The following MAX variants were observed in gnomAD, a reference collection of about 807,000 sequenced individuals.
MAX encodes the protein MYC associated transcriptional regulator X, also known as protein max.
MAX carries 3 observed loss-of-function variants against 22.3 expected under a neutral mutation model. The ratio of observed to expected loss-of-function variants is 0.13; its 90% CI spans 0.06 to 0.35. MAX has a LOEUF of 0.35. Ranked by LOEUF, MAX falls within the 10% of genes least tolerant of loss-of-function variation. The pLI, the probability that MAX is intolerant of heterozygous loss-of-function variation, is 1.00. For missense variants in MAX, 119 were observed against 209.4 expected, an observed-to-expected ratio of 0.57 and a Z score of 2.66; for synonymous variants, 72 against 77.7, an observed-to-expected ratio of 0.93 and a Z score of 0.39.
Position 65,012,195 on chromosome 14 carries a change from CAG to C in MAX, c.172-5913_172-5912del. ...CCAGAGAAGTTGCTGGTTATCCAGT[CAG>C]TGATTGCAGGGGGACGTCCTGAAGC... On this transcript the variant is annotated intron_variant, in intron 3 of 3. Coordinates refer to the MAX transcript ENST00000341653. This position sits in a 1 kb window ranked among gnomAD's most constrained non-coding sequence, Gnocchi z 5.0. 1 of 1,186,222 alleles carries C rather than the reference CAG, an allele frequency of 8.4e-7. No individual in the cohort carries two copies. Among genetic ancestry groups the C allele is most frequent in the Non-Finnish European group, 1.2e-6 (1 of 824,328 alleles). 73.5% of individuals were successfully genotyped at this position (1,186,222 alleles called of 1,614,324 possible). A position where few individuals can be genotyped will look rare whatever the true frequency, so the allele number is the denominator to read the frequency against.
At position 65,083,756 on chromosome 14, in the gene MAX, ATC is replaced by A; in HGVS notation, c.172-5722_172-5721del. On this transcript the variant is annotated intron_variant, in intron 3 of 4. Coordinates refer to ENST00000358664, the MANE Select transcript of MAX (RefSeq NM_002382.5). ...GGTACTGCTGGACTCAACAACTGACATCTGTTTTATTTTGTACTAGTTATTTT... is the reference window on the plus strand; with the variant it reads ...GGTACTGCTGGACTCAACAACTGACATGTTTTATTTTGTACTAGTTATTTT... The A allele has an allele frequency of 3.7e-6, 4 of 1,090,740 alleles. No individual in the cohort carries two copies. The South Asian group carries it at 1.1e-4, about 29-fold the overall frequency. 67.6% of individuals were successfully genotyped at this position (1,090,740 alleles called of 1,614,324 possible).
Position 65,077,947 on chromosome 14 carries a change from G to A in MAX, c.261C>T (p.Asp87=), listed in dbSNP as rs750761201. The part of the protein sequence containing the change: ...KNHTHQQDID[D]LKRQNALLEQ... The stretch of plus-strand genomic sequence containing the variant: ...CCAGAAGAGCATTCTGCCGCTTGAG[G>A]TCGTCAATATCTTGCTGGTGTGTGT... Residue 87 remains aspartate (D), a synonymous_variant, in exon 4 of 5, where the codon GAC becomes GAT. Transcript: ENST00000358664. The surrounding 1 kb of genome is among the most constrained non-coding windows in gnomAD (Gnocchi z 6.3). 2 of 1,614,250 alleles carry A rather than the reference G, an allele frequency of 1.2e-6. No homozygotes were observed. Among genetic ancestry groups the A allele is most frequent in the East Asian group, 4.5e-5 (2 of 44,886 alleles).
At chr14:65,061,407 C>G (rs1418874768) in intron 3 of MAX, 1 of 1,523,696 alleles carries the variant, frequency 6.6e-7, no homozygotes, top group Non-Finnish European at 8.8e-7. Flanking sequence ...GCTACACAAG[C>G]CTTAGCCTCA....
In MAX at chr14:65,088,584, A is replaced by T. The variant is rs1318114629; in HGVS notation, c.171+5124T>A. On this transcript the variant is annotated intron_variant, in intron 3 of 4. Transcript: ENST00000358664. The surrounding 1 kb of genome is among the most constrained non-coding windows in gnomAD (Gnocchi z 5.2). ...TGCTATAGACATAGGTTACCGAATGAACTGTCAGCCTTAAACGCATCAACA... is the reference window on the plus strand; with the variant it reads ...TGCTATAGACATAGGTTACCGAATGTACTGTCAGCCTTAAACGCATCAACA... 6.6e-6 allele frequency among the ~76,000 whole-genome samples: 1 copy of T among 152,220 alleles called. No homozygotes were observed. Among genetic ancestry groups the T allele is most frequent in the Non-Finnish European group, 1.5e-5 (1 of 68,026 alleles).
chr14:65,076,096 G>A lies in MAX; in HGVS notation c.*380C>T. 1 of 1,265,548 alleles carries A rather than the reference G, an allele frequency of 7.9e-7. No homozygotes were observed. Among genetic ancestry groups the A allele is most frequent in the Non-Finnish European group, 1.0e-6 (1 of 1,002,398 alleles). The allele number at this position is 1,265,548 out of a possible 1,614,324, so 78.4% of individuals were successfully genotyped here. The stretch of plus-strand genomic sequence containing the variant: ...CGGGCCAGGAGGCCACCTGGGCAGG[G>A]CAGGCGTCCCCCGGGCATGTGCCCG... On this transcript the variant is annotated 3_prime_UTR_variant, in exon 5 of 5. Transcript: ENST00000358664. The surrounding 1 kb of genome is among the most constrained non-coding windows in gnomAD (Gnocchi z 6.6).
intron 3 of MAX, among the ~76,000 whole-genome samples, chr14:65,048,271 C>A (rs1372835554): frequency 1.3e-5 from 2 of 151,574 alleles, no homozygotes; most frequent in Non-Finnish European, 1.5e-5. Context: ...GCGTGAGCCA[C>A]CATACCTGGC....
chr14:65,072,783 G>T, downstream of MAX, among the ~76,000 whole-genome samples: 1 of 152,220 alleles, frequency 6.6e-6, no homozygotes, highest in African/African-American at 2.4e-5. Flanking sequence ...GAGGGAATGG[G>T]CAGAGCCTCA....
intron 3 of MAX, among the ~76,000 whole-genome samples, chr14:65,055,707 G>C (rs776066588): frequency 3.6e-4 from 54 of 151,956 alleles, no homozygotes; most frequent in Non-Finnish European, 7.2e-4. Flanking sequence ...AGTAGAGACA[G>C]GGTTTCCCCA....
chr14:65,041,388 G>A (rs2062349140), intron 3 of MAX, among the ~76,000 whole-genome samples: 1 of 152,170 alleles, frequency 6.6e-6, no homozygotes. Flanking sequence ...CAACATTTAT[G>A]TCTGGACCCC....
chr14:65,057,541 ATC>A (rs2062764743), intron 3 of MAX, among the ~76,000 whole-genome samples: 1 of 152,162 alleles, frequency 6.6e-6, no homozygotes, highest in African/African-American at 2.4e-5. Flanking sequence ...AACTTAAGGA[ATC>A]TCTACCATTT....
Position 65,102,304 on chromosome 14 carries a change from G to A in MAX, c.36C>T (p.Asp12=), listed in dbSNP as rs370402660. 6.2e-7 allele frequency: 1 copy of A among 1,613,784 alleles called. No homozygotes were observed. Among genetic ancestry groups the A allele is most frequent in the Non-Finnish European group, 8.5e-7 (1 of 1,179,794 alleles). Residue 12 remains aspartate (D), a splice_region_variant and synonymous_variant, in exon 1 of 5, where the codon GAC becomes GAT. Coordinates refer to ENST00000358664, the MANE Select transcript of MAX (RefSeq NM_002382.5). Reference sequence around the variant, plus strand: ...GGAAGGAAGAAGCCCCAGGACTCACGTCGCTCTCCACCTCGATGTCATCGT... The same window carrying A: ...GGAAGGAAGAAGCCCCAGGACTCACATCGCTCTCCACCTCGATGTCATCGT... ...SDNDDIEVES[D]EEQPRFQSAA... is the part of the protein sequence containing the mutation.
rs1322465499 is a variant in MAX, at chr14:65,054,794, G to A, written c.171+38914C>T. ...CTCTGCATTTCCTGTGTGGACAGGC[G>A]GAAGCTTGTGGTCCCTCTGCCCTTC... On this transcript the variant is annotated intron_variant, in intron 3 of 3. Transcript: ENST00000341653. The surrounding 1 kb of genome is among the most constrained non-coding windows in gnomAD (Gnocchi z 4.4). 6.8e-5 allele frequency: 84 copies of A among 1,233,346 alleles called. No individual in the cohort carries two copies. Among genetic ancestry groups the A allele is most frequent in the Non-Finnish European group, 9.0e-5 (79 of 880,022 alleles). The allele number at this position is 1,233,346 out of a possible 1,614,324, so 76.4% of individuals were successfully genotyped here. A position where few individuals can be genotyped will look rare whatever the true frequency, so the allele number is the denominator to read the frequency against.
In MAX at chr14:65,011,706, C is replaced by T. The variant is rs1004771532; in HGVS notation, c.172-5422G>A. 1.4e-4 allele frequency among the ~76,000 whole-genome samples: 21 copies of T among 152,336 alleles called. No individual in the cohort carries two copies. Among genetic ancestry groups the T allele is most frequent in the Admixed American group, 3.9e-4 (6 of 15,302 alleles). ...GGTGGCCATGGGCGGCACATTCCAT[C>T]TTAAAGCCAGTATTGCTGACTTGAA... On this transcript the variant is annotated intron_variant, in intron 3 of 3. Transcript: ENST00000341653. This position sits in a 1 kb window ranked among gnomAD's most constrained non-coding sequence, Gnocchi z 4.0.
At chr14:65,091,293 C>T (rs1293120680) in intron 3 of MAX, among the ~76,000 whole-genome samples, 1 of 152,202 alleles carries the variant, frequency 6.6e-6, no homozygotes, top group African/African-American at 2.4e-5. Context: ...ACCTATGAAA[C>T]AGCGCTGGCA....
chr14:65,037,402 C>CTTTTTTTTTTTTTTTTTTTTTTTTTTTT (rs765037575), intron 3 of MAX, among the ~76,000 whole-genome samples: 7 of 14,536 alleles, frequency 4.8e-4, no homozygotes, highest in Admixed American at 1.4e-3. Flanking sequence ...CACGCCGGGC[C>CTTTTTTTTTTTTTTTTTTTTTTTTTTTT]CTTTTTTTTT....
In MAX at chr14:65,029,959, G is replaced by A. The variant is rs1038918953; in HGVS notation, c.172-23675C>T. On this transcript the variant is annotated intron_variant, in intron 3 of 3. Transcript: ENST00000341653. This position sits in a 1 kb window ranked among gnomAD's most constrained non-coding sequence, Gnocchi z 4.7. ...CTTGGATTTGGGTGATGGCAGCAAG[G>A]ATGGAAAGTTAGTGGACAAATTCAA... Among the ~76,000 whole-genome samples, 11 of 152,202 alleles carry A rather than the reference G, an allele frequency of 7.2e-5. No individual in the cohort carries two copies. Among genetic ancestry groups the A allele is most frequent in the African/African-American group, 1.9e-4 (8 of 41,458 alleles).
Position 65,032,875 on chromosome 14 carries a change from C to T in MAX, c.172-26591G>A, listed in dbSNP as rs543594016. On this transcript the variant is annotated intron_variant, in intron 3 of 3. Transcript: ENST00000341653. The surrounding 1 kb of genome is among the most constrained non-coding windows in gnomAD (Gnocchi z 5.0). ...AAATGTCTTCTTTTTTCCAAACTTT[C>T]TTTAATGTTATATTATATTTTAGAT... Among the ~76,000 whole-genome samples the T allele has an allele frequency of 1.4e-3, 211 of 152,112 alleles. No individual in the cohort carries two copies. The highest frequency in any genetic ancestry group is 2.6e-3 in the Non-Finnish European group (179 of 67,996).
intron 3 of MAX, among the ~76,000 whole-genome samples, chr14:65,006,453 C>T (rs2061592435): frequency 6.6e-6 from 1 of 152,176 alleles, no homozygotes; most frequent in Admixed American, 6.5e-5. Context: ...ATTTAAATAG[C>T]TTGGGAGAAC....
At position 65,027,355 on chromosome 14, in the gene MAX, G is replaced by C. The variant is rs2062001849; in HGVS notation, c.172-21071C>G. ...GAGGTTCCCCTCAACTTTTGAGGGAGTGGGGGATCATTGGAAAGGCCTGGA... is the reference window on the plus strand; with the variant it reads ...GAGGTTCCCCTCAACTTTTGAGGGACTGGGGGATCATTGGAAAGGCCTGGA... On this transcript the variant is annotated intron_variant, in intron 3 of 3. Coordinates refer to the MAX transcript ENST00000341653. This position sits in a 1 kb window ranked among gnomAD's most constrained non-coding sequence, Gnocchi z 5.7. 1.9e-6 allele frequency: 3 copies of C among 1,556,474 alleles called. No homozygotes were observed. The highest frequency in any genetic ancestry group is 3.6e-5 in the Admixed American group (2 of 55,260).
Sources: gnomAD v4.1 joint callset for allele counts (sites outside exome capture counted in the v4.1 genomes callset) on GRCh38, gnomAD v4.1.1 for gene constraint, Gnocchi (gnomAD v3.1) non-coding constraint, MANE v1.5 for transcripts, NCBI Gene and HGNC (gene_info 2026-07-23, HGNC 2026-07-21) for gene names.